Variants in FRMPD2 observed in about 807,000 individuals in gnomAD.
FRMPD2 encodes FERM and PDZ domain containing 2.
FRMPD2 carries 96 observed loss-of-function variants against 140.1 expected under a neutral mutation model. The ratio of observed to expected loss-of-function variants is 0.69; its 90% CI spans 0.58 to 0.81. The LOEUF (loss-of-function observed/expected upper bound fraction) is 0.81, where lower values mean the gene tolerates loss of function less well. FRMPD2 is among the 40% of genes least tolerant of loss of function. The pLI is 0.00. For missense variants in FRMPD2, 1,240 were observed against 1,447.4 expected, an observed-to-expected ratio of 0.86 and a Z score of 2.32; for synonymous variants, 449 against 547.6, an observed-to-expected ratio of 0.82 and a Z score of 2.52.
intron 12 of FRMPD2, among the ~76,000 whole-genome samples, chr10:48,213,623 A>G (rs1839379989): frequency 6.6e-6 from 1 of 152,212 alleles, no homozygotes; most frequent in African/African-American, 2.4e-5. Flanking sequence ...ACATCCAGAC[A>G]ATGAAATATT....
At position 48,251,562 on chromosome 10, in the gene FRMPD2, T is replaced by C. The variant is rs1163476039; in HGVS notation, c.151+4A>G. The stretch of plus-strand genomic sequence containing the variant: ...GATTTGACTGCCCCCAAACACTCTC[T>C]TACCGTTGCGGAGGTCTTCCAGGAG... On this transcript the variant is annotated splice_donor_region_variant and intron_variant, in intron 2 of 28. Transcript: ENST00000374201. The C allele has an allele frequency of 1.2e-6, 2 of 1,612,960 alleles. No homozygotes were observed. The highest frequency in any genetic ancestry group is 3.3e-5 in the Admixed American group (2 of 59,944).
chr10:48,217,524 G>C (rs1398693768), intron 12 of FRMPD2, among the ~76,000 whole-genome samples: 2 of 152,188 alleles, frequency 1.3e-5, no homozygotes, highest in Non-Finnish European at 1.5e-5. Flanking sequence ...GGTGAGCTAT[G>C]AATCAATTTA....
Position 48,256,839 on chromosome 10 carries a change from T to C in FRMPD2, c.26-5148A>G, listed in dbSNP as rs545128890. Among the ~76,000 whole-genome samples, 5 of 152,328 alleles carry C rather than the reference T, an allele frequency of 3.3e-5. No individual in the cohort carries two copies. The South Asian group carries it at 1.0e-3, about 32-fold the overall frequency. ...GTCCTCACCTCCTCGGCATTCTTTC[T>C]CCCTCTCATGGTCCCTGAAATGTTG... is the stretch of plus-strand genomic sequence containing the variant. On this transcript the variant is annotated intron_variant, in intron 1 of 28. Coordinates refer to ENST00000374201, the MANE Select transcript of FRMPD2 (RefSeq NM_001018071.4).
At chr10:48,158,628 CCT>C (rs1374229914) in intron 28 of FRMPD2, among the ~76,000 whole-genome samples, 1 of 143,938 alleles carries the variant, frequency 6.9e-6, no homozygotes. Flanking sequence ...CTGCTCACCC[CCT>C]GATTCTGTGT....
chr10:48,180,621 C>A (rs1838522085), intron 21 of FRMPD2, among the ~76,000 whole-genome samples, 182 bp downstream of exon 21: 3 of 152,076 alleles, frequency 2.0e-5, no homozygotes. Flanking sequence ...TCTCAACAAC[C>A]ATGCCATGCA....
At chr10:48,234,811 A>C (rs1026770457) in intron 9 of FRMPD2, among the ~76,000 whole-genome samples, 1 of 152,154 alleles carries the variant, frequency 6.6e-6, no homozygotes, top group Non-Finnish European at 1.5e-5. Context: ...TGCTCGCCCC[A>C]GACAGAACTG....
At chr10:48,178,997 G>A (rs1838478981) in intron 21 of FRMPD2, 1 of 151,446 alleles carries the variant, frequency 6.6e-6, no homozygotes, top group South Asian at 2.1e-4. Context: ...GCTTCCATGA[G>A]CTAATACATA....
intron 10 of FRMPD2, among the ~76,000 whole-genome samples, chr10:48,229,960 C>T (rs971940992): frequency 6.6e-6 from 1 of 152,082 alleles, no homozygotes; most frequent in Non-Finnish European, 1.5e-5. Context: ...GGAAAAATGT[C>T]CAGGACACTA....
rs1242438285 is a variant in FRMPD2 at position 48,181,222 on chromosome 10, G to T, written c.2585-214C>A. On this transcript the variant is annotated intron_variant, in intron 20 of 28. Transcript: ENST00000374201. ...ATTTAGAAACCTAGATAGAGCTTAC[G>T]TGACCCAACTATGAATGCGTAGGCT... Among the ~76,000 whole-genome samples, 17 of 152,376 alleles carry T rather than the reference G, an allele frequency of 1.1e-4. No individual in the cohort carries two copies. In the South Asian group the frequency reaches 1.7e-3, roughly 15 times the overall value.
At chr10:48,184,924 G>T (rs1294366022) in intron 18 of FRMPD2, 43 bp from the exon 19 acceptor site, 7 of 1,472,392 alleles carry the variant, frequency 4.8e-6, no homozygotes, top group South Asian at 1.2e-5. Flanking sequence ...GATACTTAGT[G>T]ATTTTGCTGT....
intron 3 of FRMPD2, 32 bp downstream of exon 3, chr10:48,248,989 C>A: frequency 6.4e-7 from 1 of 1,571,230 alleles, no homozygotes; most frequent in Non-Finnish European, 8.7e-7. Flanking sequence ...GGGCACAGGA[C>A]TCAGAAGTTG....
chr10:48,225,791 C>T (rs552920995), intron 10 of FRMPD2, among the ~76,000 whole-genome samples: 34 of 152,322 alleles, frequency 2.2e-4, no homozygotes, highest in Admixed American at 2.6e-4. Context: ...CACTGGAGCC[C>T]ATTGTGCTCT....
At chr10:48,272,953 C>T (rs1241585864) in intron 1 of FRMPD2, among the ~76,000 whole-genome samples, 5 of 152,174 alleles carry the variant, frequency 3.3e-5, no homozygotes, top group African/African-American at 1.2e-4. Context: ...CAATTGCAAA[C>T]AGGCTGACCA....
intron 14 of FRMPD2, chr10:48,201,660 G>C (rs58231896): frequency 1.1e-5 from 3 of 264,976 alleles, no homozygotes; most frequent in East Asian, 8.7e-5. Context: ...AGTGGGTCAG[G>C]TATATTGACC....
intron 15 of FRMPD2, among the ~76,000 whole-genome samples, chr10:48,198,440 C>T (rs1022010685): frequency 2.0e-5 from 3 of 152,026 alleles, no homozygotes; most frequent in Admixed American, 6.6e-5. Flanking sequence ...TTCTTTTTGC[C>T]ACCTTTGAAG....
chr10:48,213,327 CA>C lies in FRMPD2; in HGVS notation c.1456-1219del, dbSNP rs574185656. ...TGGCCAAATTCCAGAACACTGGCAA[CA>C]CCATGCTGGTGAGGATGTGGAACAA... On this transcript the variant is annotated intron_variant, in intron 12 of 28. Coordinates refer to ENST00000374201, the MANE Select transcript of FRMPD2 (RefSeq NM_001018071.4). 4.0e-3 allele frequency among the ~76,000 whole-genome samples: 616 copies of C among 152,344 alleles called. 5 individuals are homozygous for C. The highest frequency in any genetic ancestry group is 0.014 in the African/African-American group (568 of 41,584).
chr10:48,161,957 C>T (rs1285944098), intron 28 of FRMPD2, among the ~76,000 whole-genome samples: 9 of 150,006 alleles, frequency 6.0e-5, no homozygotes, highest in Non-Finnish European at 8.9e-5. Flanking sequence ...TATAATTCAG[C>T]TCTCAGGGTC....
chr10:48,225,651 AACTCTTTCTTTGG>A (rs1839705210), intron 10 of FRMPD2, among the ~76,000 whole-genome samples: 1 of 152,194 alleles, frequency 6.6e-6, no homozygotes, highest in African/African-American at 2.4e-5. Context: ...TTCCAGAATA[AACTCTTTCTTTGG>A]AAAGCCTGTC....
intron 13 of FRMPD2, among the ~76,000 whole-genome samples, chr10:48,211,031 C>T (rs1839307817): frequency 6.6e-6 from 1 of 152,220 alleles, no homozygotes; most frequent in Non-Finnish European, 1.5e-5. Context: ...CTCCCTGGTC[C>T]CCACATCTTG....
Sources: allele counts gnomAD v4.1 joint callset (sites outside exome capture counted in the v4.1 genomes callset), GRCh38; gene constraint gnomAD v4.1.1; transcripts MANE v1.5; gene names NCBI Gene and HGNC (gene_info 2026-07-23, HGNC 2026-07-21).